Variants in POTEJ observed in about 807,000 individuals in gnomAD.
POTEJ encodes POTE ankyrin domain family member J.
POTEJ carries 11 observed loss-of-function variants against 69.0 expected under a neutral mutation model. The ratio of observed to expected loss-of-function variants is 0.16; its 90% CI spans 0.10 to 0.26. The LOEUF (loss-of-function observed/expected upper bound fraction) is 0.26, where lower values mean the gene tolerates loss of function less well. Ranked by LOEUF, POTEJ falls within the 10% of genes least tolerant of loss-of-function variation. The pLI is 1.00. For missense variants in POTEJ, 327 were observed against 1,045.5 expected, an observed-to-expected ratio of 0.31 and a Z score of 9.48; for synonymous variants, 117 against 381.1, an observed-to-expected ratio of 0.31 and a Z score of 8.07.
At chr2:130,612,540 C>G (rs1432000560) in intron 1 of POTEJ, among the ~76,000 whole-genome samples, 1 of 152,288 alleles carries the variant, frequency 6.6e-6, no homozygotes. Context: ...GCGGGCGGAT[C>G]ACGAGGTCAG....
At chr2:130,615,862 G>C (rs561233817) in intron 1 of POTEJ, among the ~76,000 whole-genome samples, 1 of 139,736 alleles carries the variant, frequency 7.2e-6, no homozygotes. Flanking sequence ...GGAAATATCT[G>C]ATGTACATAC....
chr2:130,629,503 G>C (rs1419607970), intron 6 of POTEJ, among the ~76,000 whole-genome samples: 1 of 140,200 alleles, frequency 7.1e-6, no homozygotes, highest in Non-Finnish European at 1.5e-5. Flanking sequence ...CCATACCTGT[G>C]GGCTCTGGCT....
At chr2:130,640,707 T>C (rs1442230791) in intron 10 of POTEJ, among the ~76,000 whole-genome samples, 8 of 152,056 alleles carry the variant, frequency 5.3e-5, no homozygotes, top group Non-Finnish European at 1.0e-4. Flanking sequence ...TAACATTTCA[T>C]TGGCTGGGTC....
rs572971086 is a variant in POTEJ at position 130,611,725 on chromosome 2, T to C, written c.193T>C (p.Cys65Arg). Residue 65 changes from cysteine to arginine, a missense_variant, in exon 1 of 15, where the codon TGC becomes CGC. Coordinates refer to ENST00000409602, the MANE Select transcript of POTEJ (RefSeq NM_001277083.2). ...KTLRSKMGKW[C>R]CHCFPCCRGS... Reference sequence around the variant, plus strand: ...ACTCAGGAGCAAGATGGGCAAGTGGTGCTGCCACTGCTTCCCCTGCTGCAG... The same window carrying C: ...ACTCAGGAGCAAGATGGGCAAGTGGCGCTGCCACTGCTTCCCCTGCTGCAG... 21 of 1,563,256 alleles carry C rather than the reference T, an allele frequency of 1.3e-5. No individual in the cohort carries two copies. The highest frequency in any genetic ancestry group is 1.1e-4 in the East Asian group (5 of 44,500).
rs201923708 is a variant in POTEJ, at chr2:130,627,161, G to A, written c.1016-2788G>A. Among the ~76,000 whole-genome samples the A allele has an allele frequency of 4.2e-3, 637 of 151,112 alleles. No homozygotes were observed. In the East Asian group the frequency reaches 0.094, roughly 22 times the overall value. ...AGAGCAAAGAGCAGCAGGTCAGCAG[G>A]AATGACTAATGTTTTTCTATGCATG... On this transcript the variant is annotated intron_variant, in intron 6 of 14. Coordinates refer to ENST00000409602, the MANE Select transcript of POTEJ (RefSeq NM_001277083.2).
At chr2:130,637,306 T>A (rs1372480982) in intron 9 of POTEJ, among the ~76,000 whole-genome samples, 8 of 11,426 alleles carry the variant, frequency 7.0e-4, no homozygotes, top group Admixed American at 1.3e-3. Flanking sequence ...CAAACTTTAC[T>A]ATTTTATTTT....
chr2:130,626,914 T>C (rs550268978), intron 6 of POTEJ, among the ~76,000 whole-genome samples: 2 of 152,292 alleles, frequency 1.3e-5, no homozygotes, highest in South Asian at 4.1e-4. Context: ...GCAGGCTTTT[T>C]TTTAAATAAA....
intron 1 of POTEJ, among the ~76,000 whole-genome samples, chr2:130,613,401 T>TAC: frequency 7.0e-6 from 1 of 143,412 alleles, no homozygotes; most frequent in Admixed American, 7.0e-5. Flanking sequence ...TATATATATA[T>TAC]ATATATATAC....
At chr2:130,656,486 C>T (rs1400182114) in intron 14 of POTEJ, 63 bp from the exon 15 acceptor site, 1 of 1,549,792 alleles carries the variant, frequency 6.5e-7, no homozygotes, top group Non-Finnish European at 8.7e-7. Flanking sequence ...TTTTGAATTT[C>T]AAAAGAAATC....
At chr2:130,631,627 A>G (rs1685903920) in intron 8 of POTEJ, among the ~76,000 whole-genome samples, 174 bp downstream of exon 8, 1 of 141,928 alleles carries the variant, frequency 7.0e-6, no homozygotes, top group Non-Finnish European at 1.5e-5. Flanking sequence ...TTCAAGAGAT[A>G]CAAACCCTAG....
chr2:130,612,629 G>C (rs1685253428), intron 1 of POTEJ, among the ~76,000 whole-genome samples: 2 of 148,076 alleles, frequency 1.4e-5, no homozygotes, highest in Admixed American at 1.3e-4. Flanking sequence ...CGGGCACGGT[G>C]GCAGGTGCCT....
At chr2:130,655,460 A>G (rs1223187247) in intron 14 of POTEJ, among the ~76,000 whole-genome samples, 1 of 152,262 alleles carries the variant, frequency 6.6e-6, no homozygotes, top group African/African-American at 2.4e-5. Flanking sequence ...CATTGTGGAT[A>G]CCATTATCCT....
At chr2:130,637,248 T>C (rs1473087058) in intron 9 of POTEJ, among the ~76,000 whole-genome samples, 1 of 151,648 alleles carries the variant, frequency 6.6e-6, no homozygotes, top group Admixed American at 6.6e-5. Context: ...ATTTATTCTT[T>C]AATAGTAATC....
intron 13 of POTEJ, among the ~76,000 whole-genome samples, chr2:130,646,572 G>T (rs537295059): frequency 2.1e-5 from 3 of 140,270 alleles, no homozygotes; most frequent in Non-Finnish European, 4.7e-5. Flanking sequence ...TTTTAGCTTC[G>T]GGGTACGTGT....
At chr2:130,644,468 G>GAA (rs1265792619) in intron 11 of POTEJ, among the ~76,000 whole-genome samples, 13 of 152,108 alleles carry the variant, frequency 8.5e-5, no homozygotes, top group African/African-American at 2.4e-4. Flanking sequence ...GACTCCATCT[G>GAA]AAAAAAATAT....
chr2:130,636,810 A>G (rs1226087545), intron 9 of POTEJ, among the ~76,000 whole-genome samples: 6 of 147,960 alleles, frequency 4.1e-5, no homozygotes, highest in Non-Finnish European at 7.6e-5. Context: ...TGTTTGACGT[A>G]GGTCGGGCAT....
chr2:130,656,445 G>C, intron 14 of POTEJ, 104 bp from the exon 15 acceptor site: 15 of 1,438,096 alleles, frequency 1.0e-5, no homozygotes, highest in Non-Finnish European at 1.3e-5. Flanking sequence ...ATCCACTATG[G>C]GGATTCTTTC....
chr2:130,614,044 C>G (rs1469018735), intron 1 of POTEJ, among the ~76,000 whole-genome samples: 1 of 129,536 alleles, frequency 7.7e-6, no homozygotes, highest in Admixed American at 7.5e-5. Flanking sequence ...GTAATCCCAG[C>G]TACTCAGGAG....
At chr2:130,638,241 A>T (rs528634725) in intron 9 of POTEJ, among the ~76,000 whole-genome samples, 3 of 151,452 alleles carry the variant, frequency 2.0e-5, no homozygotes, top group African/African-American at 4.8e-5. Flanking sequence ...ACCTAGTAAA[A>T]TAAGGCAGCA....
Sources: allele counts gnomAD v4.1 joint callset (sites outside exome capture counted in the v4.1 genomes callset), GRCh38; gene constraint gnomAD v4.1.1; transcripts MANE v1.5; gene names NCBI Gene and HGNC (gene_info 2026-07-23, HGNC 2026-07-21).